Variants in FBXO36 observed in about 807,000 individuals in gnomAD.
The protein encoded by FBXO36 is F-box protein 36.
FBXO36 carries 18 observed loss-of-function variants against 17.0 expected under a neutral mutation model. The ratio of observed to expected loss-of-function variants is 1.06; its 90% CI spans 0.73 to 1.57. The LOEUF (loss-of-function observed/expected upper bound fraction) is 1.57. Among genes scored for constraint, FBXO36 ranks in the 40% most tolerant of loss-of-function variants. The pLI is 0.00. For synonymous variants in FBXO36, 83 were observed against 85.3 expected, an observed-to-expected ratio of 0.97 and a Z score of 0.15; for missense variants, 229 against 221.9, an observed-to-expected ratio of 1.03 and a Z score of -0.20.
intron 1 of FBXO36, among the ~76,000 whole-genome samples, chr2:229,965,268 T>G (rs2077145858): frequency 6.6e-6 from 1 of 150,748 alleles, no homozygotes; most frequent in Non-Finnish European, 1.5e-5. Flanking sequence ...GCTGAGCCAC[T>G]GCACCTCGCC....
At chr2:229,944,254 A>G (rs2077014697) in intron 1 of FBXO36, among the ~76,000 whole-genome samples, 1 of 152,176 alleles carries the variant, frequency 6.6e-6, no homozygotes, top group Non-Finnish European at 1.5e-5. Context: ...AGGAGTCAGC[A>G]CTATTTGAGG....
At chr2:229,925,302 T>G (rs1339738413) in intron 1 of FBXO36, among the ~76,000 whole-genome samples, 1 of 152,092 alleles carries the variant, frequency 6.6e-6, no homozygotes, top group African/African-American at 2.4e-5. Context: ...TAAAGTAAAA[T>G]TTGTTGTAAA....
intron 2 of FBXO36, among the ~76,000 whole-genome samples, chr2:229,993,061 C>T (rs1255390063): frequency 6.6e-6 from 1 of 152,088 alleles, no homozygotes; most frequent in Non-Finnish European, 1.5e-5. Context: ...TTGTTTAACC[C>T]TATATATCAT....
chr2:229,948,640 T>G (rs2077039667), intron 1 of FBXO36, among the ~76,000 whole-genome samples: 1 of 150,790 alleles, frequency 6.6e-6, no homozygotes, highest in Non-Finnish European at 1.5e-5. Context: ...CACAGAAGAG[T>G]CTGTGAGAGT....
chr2:229,998,348 C>T (rs1000632976), intron 3 of FBXO36, among the ~76,000 whole-genome samples: 6 of 152,070 alleles, frequency 3.9e-5, no homozygotes, highest in Admixed American at 6.6e-5. Flanking sequence ...TATGGCCGGG[C>T]GCGGTGGCTC....
intron 1 of FBXO36, among the ~76,000 whole-genome samples, chr2:229,967,998 G>T (rs113876549): frequency 9.2e-5 from 14 of 151,972 alleles, no homozygotes; most frequent in African/African-American, 3.4e-4. Context: ...CTGTGAATCC[G>T]TCTGGTCCTG....
intron 1 of FBXO36, among the ~76,000 whole-genome samples, chr2:229,937,400 C>CA (rs1283526103): frequency 6.6e-6 from 1 of 152,112 alleles, no homozygotes; most frequent in Non-Finnish European, 1.5e-5. Flanking sequence ...GAGGCTGAGG[C>CA]AGGAGAATCA....
intron 2 of FBXO36, among the ~76,000 whole-genome samples, chr2:229,995,596 C>CTTTT (rs1294052123): frequency 4.5e-5 from 6 of 132,090 alleles, no homozygotes; most frequent in African/African-American, 8.5e-5. Flanking sequence ...TTCTTTCTTT[C>CTTTT]TTTTTTTTTT....
At chr2:229,923,479 A>C (rs2076851166) in intron 1 of FBXO36, among the ~76,000 whole-genome samples, 1 of 152,126 alleles carries the variant, frequency 6.6e-6, no homozygotes, top group South Asian at 2.1e-4. Flanking sequence ...TATAAAATGA[A>C]ATTTAGAAGT....
chr2:229,952,585 C>A (rs1373438872), intron 1 of FBXO36, among the ~76,000 whole-genome samples: 2 of 152,124 alleles, frequency 1.3e-5, no homozygotes, highest in Non-Finnish European at 2.9e-5. Flanking sequence ...TCTCACAGGG[C>A]CACAGATGAA....
chr2:229,933,631 A>G (rs934659014), intron 1 of FBXO36, among the ~76,000 whole-genome samples: 12 of 152,176 alleles, frequency 7.9e-5, no homozygotes, highest in South Asian at 2.1e-4. Context: ...AGGCTGAGGC[A>G]GAAAGCTTGA....
chr2:229,922,714 A>C, intron 1 of FBXO36, 105 bp downstream of exon 1: 1 of 1,184,506 alleles, frequency 8.4e-7, no homozygotes, highest in Non-Finnish European at 1.2e-6. Flanking sequence ...AGCCCGCCGG[A>C]AGCGCCCAGT....
At chr2:229,988,571 G>C (rs1049652798) in intron 2 of FBXO36, among the ~76,000 whole-genome samples, 7 of 152,000 alleles carry the variant, frequency 4.6e-5, no homozygotes, top group African/African-American at 1.7e-4. Flanking sequence ...TTTCACTCTA[G>C]TTTCCCAGGC....
intron 2 of FBXO36, among the ~76,000 whole-genome samples, chr2:229,989,064 T>G (rs914314283): frequency 2.0e-5 from 3 of 152,034 alleles, no homozygotes; most frequent in African/African-American, 7.2e-5. Flanking sequence ...ATCATTTCAG[T>G]GTGAGATTGC....
At chr2:229,977,282 C>CCA (rs2077213933) in intron 2 of FBXO36, 1 of 152,292 alleles carries the variant, frequency 6.6e-6, no homozygotes, top group Non-Finnish European at 1.5e-5. Flanking sequence ...CAGGCATGAG[C>CCA]CACTGCACCT....
intron 1 of FBXO36, among the ~76,000 whole-genome samples, chr2:229,945,993 G>C (rs956489391): frequency 4.6e-4 from 69 of 151,244 alleles, no homozygotes; most frequent in African/African-American, 1.6e-3. Flanking sequence ...TTGTACTCCA[G>C]CCTGGGTAAC....
At chr2:229,987,275 T>A (rs1027340784) in intron 2 of FBXO36, among the ~76,000 whole-genome samples, 3 of 152,058 alleles carry the variant, frequency 2.0e-5, no homozygotes, top group African/African-American at 7.2e-5. Flanking sequence ...TTAACATTTG[T>A]CCTATTTACT....
chr2:229,977,380 A>G (rs2077214899), intron 2 of FBXO36, among the ~76,000 whole-genome samples: 1 of 152,116 alleles, frequency 6.6e-6, no homozygotes, highest in Admixed American at 6.6e-5. Context: ...TTGCTTCCCA[A>G]TTAATTATTT....
At chr2:229,960,241 G>GATC (rs1297496072) in intron 1 of FBXO36, among the ~76,000 whole-genome samples, 1 of 152,028 alleles carries the variant, frequency 6.6e-6, no homozygotes, top group Non-Finnish European at 1.5e-5. Flanking sequence ...GCAATGGTAA[G>GATC]ATCATAGCTC....
Sources: gnomAD v4.1 joint callset for allele counts (sites outside exome capture counted in the v4.1 genomes callset) on GRCh38, gnomAD v4.1.1 for gene constraint, MANE v1.5 for transcripts, NCBI Gene and HGNC (gene_info 2026-07-23, HGNC 2026-07-21) for gene names.